The following TTC6 variants were observed in gnomAD, a reference collection of about 807,000 sequenced individuals.
The protein encoded by TTC6 is tetratricopeptide repeat domain 6, also known as tetratricopeptide repeat protein 6.
TTC6 carries 172 observed loss-of-function variants against 210.4 expected under a neutral mutation model. That is an observed-to-expected ratio of 0.82 (90% CI 0.72 to 0.93). The LOEUF (loss-of-function observed/expected upper bound fraction) is 0.93, where lower values mean the gene tolerates loss of function less well. Among genes scored for constraint, TTC6 ranks in the 40% least tolerant of loss-of-function variants. The probability of loss-of-function intolerance (pLI) is 0.00; values close to 1 mark genes in which losing one functional copy is unlikely to be tolerated. For missense variants in TTC6, 2,414 were observed against 2,318.1 expected, an observed-to-expected ratio of 1.04 and a Z score of -0.85; for synonymous variants, 804 against 819.6, an observed-to-expected ratio of 0.98 and a Z score of 0.32.
Position 37,749,269 on chromosome 14 carries a change from T to G in TTC6, c.2694T>G (p.Tyr898Ter), listed in dbSNP as rs2095944931. The G allele has an allele frequency of 2.6e-6, 4 of 1,526,962 alleles. No homozygotes were observed. Among genetic ancestry groups the G allele is most frequent in the Non-Finnish European group, 3.5e-6 (4 of 1,142,308 alleles). 94.6% of individuals were successfully genotyped at this position (1,526,962 alleles called of 1,614,324 possible). Reference sequence around the variant, plus strand: ...TTCCACAAGAGGTCATTAAATATTATGAATCTGAAGTGAAGATTTTGACTG... The same window carrying G: ...TTCCACAAGAGGTCATTAAATATTAGGAATCTGAAGTGAAGATTTTGACTG... The change falls in exon 11 of 31, where the codon TAT (tyrosine) becomes TAG (stop). Residue 898 changes from tyrosine (Y) to a stop codon, truncating the protein, a stop_gained. Coordinates refer to ENST00000553443, the Ensembl canonical transcript of TTC6. LOFTEE classifies it high-confidence loss of function.
intron 7 of TTC6, among the ~76,000 whole-genome samples, chr14:37,732,478 C>T (rs1172143930): frequency 6.6e-6 from 1 of 150,708 alleles, no homozygotes; most frequent in Middle Eastern, 3.5e-3. Flanking sequence ...CCACCACGCC[C>T]GGCCTTATGT....
chr14:37,717,708 C>T (rs2095854920), intron 6 of TTC6, among the ~76,000 whole-genome samples: 1 of 151,588 alleles, frequency 6.6e-6, no homozygotes, highest in Admixed American at 6.6e-5. Flanking sequence ...TTTTTTGAAG[C>T]TAGTAATACC....
At position 37,792,498 on chromosome 14, in the gene TTC6, C is replaced by G. The variant is rs143612673; in HGVS notation, c.3708+84C>G. Reference sequence around the variant, plus strand: ...GTTCAACATAATTTTAATATATATACATATTTTAGCTAATTGTAGGGGCTA... The same window carrying G: ...GTTCAACATAATTTTAATATATATAGATATTTTAGCTAATTGTAGGGGCTA... On this transcript the variant is annotated intron_variant, in intron 17 of 30. Transcript: ENST00000553443. 9,035 of 1,138,950 alleles carry G rather than the reference C, an allele frequency of 7.9e-3. 56 individuals carry two copies. Among genetic ancestry groups the G allele is most frequent in the South Asian group, 0.013 (549 of 41,322 alleles). The allele number at this position is 1,138,950 out of a possible 1,614,324, so 70.6% of individuals were successfully genotyped here. A position where few individuals can be genotyped will look rare whatever the true frequency, so the allele number is the denominator to read the frequency against.
chr14:37,743,166 A>G lies in TTC6; in HGVS notation c.2363+4011A>G, dbSNP rs147848543. Among the ~76,000 whole-genome samples the G allele has an allele frequency of 8.5e-3, 1,290 of 152,338 alleles. 13 individuals carry two copies. The highest frequency in any genetic ancestry group is 0.044 in the Middle Eastern group (13 of 294). On this transcript the variant is annotated intron_variant, in intron 10 of 30. Transcript: ENST00000553443. ...TTTACTCCGGTTCCTCCAAATGAAAAACCATGAACCATATTCATGGCTATG... is the reference window on the plus strand; with the variant it reads ...TTTACTCCGGTTCCTCCAAATGAAAGACCATGAACCATATTCATGGCTATG...
intron 5 of TTC6, among the ~76,000 whole-genome samples, chr14:37,711,527 T>G (rs529609848): frequency 6.6e-6 from 1 of 152,288 alleles, no homozygotes; most frequent in Admixed American, 6.5e-5. Flanking sequence ...TTTTGCCTGT[T>G]TCCCCTATTG....
chr14:37,625,393 C>CAAAAA (rs1386464721), intron 1 of TTC6, among the ~76,000 whole-genome samples: 1 of 151,668 alleles, frequency 6.6e-6, no homozygotes, highest in Non-Finnish European at 1.5e-5. Flanking sequence ...ACTAAAAATA[C>CAAAAA]AAAAATTAGC....
At chr14:37,649,930 T>G (rs957018102) in intron 1 of TTC6, among the ~76,000 whole-genome samples, 2 of 152,240 alleles carry the variant, frequency 1.3e-5, no homozygotes, top group African/African-American at 4.8e-5. Context: ...CCCATATATA[T>G]TTCAAATAGA....
In TTC6 at chr14:37,812,364, A is replaced by G. The variant is rs773107595; in HGVS notation, c.4620A>G (p.Val1540=). ...TGCTTCTTGATGCTACAGAAACTGT[A>G]AAACTAAATACCTTCCTTAATCGTG... Residue 1540 remains valine, a synonymous_variant, in exon 25 of 31, where the codon GTA becomes GTG. Coordinates refer to ENST00000553443, the Ensembl canonical transcript of TTC6. 1.2e-5 allele frequency: 19 copies of G among 1,613,464 alleles called. No individual in the cohort carries two copies. The African/African-American group carries it at 1.6e-4, about 14-fold the overall frequency.
chr14:37,614,949 G>T (rs976994141), intron 2 of TTC6, among the ~76,000 whole-genome samples: 2 of 152,110 alleles, frequency 1.3e-5, no homozygotes, highest in African/African-American at 2.4e-5. Context: ...GTTTCACCAT[G>T]TTGGCTGGGC....
Position 37,754,143 on chromosome 14 carries a change from C to T in TTC6, c.3266+908C>T, listed in dbSNP as rs2095960655. On this transcript the variant is annotated intron_variant, in intron 14 of 30. Transcript: ENST00000553443. ...AGAACGTGCAGGTTTGTTAGATACACATGTGACATGGTGGTTTGCTGTACC... is the reference window on the plus strand; with the variant it reads ...AGAACGTGCAGGTTTGTTAGATACATATGTGACATGGTGGTTTGCTGTACC... Among the ~76,000 whole-genome samples the T allele has an allele frequency of 2.0e-5, 3 of 152,064 alleles. No homozygotes were observed. The South Asian group carries it at 6.2e-4, about 32-fold the overall frequency.
chr14:37,790,805 T>A (rs539253471), exon 16 of TTC6: 23 of 1,534,474 alleles, frequency 1.5e-5, no homozygotes, highest in Non-Finnish European at 1.7e-5. Flanking sequence ...TGCTGGCAAT[T>A]TGTGACTTTG....
chr14:37,739,169 G>T lies in TTC6; in HGVS notation c.2363+14G>T, dbSNP rs1202842568. 1.4e-6 allele frequency: 2 copies of T among 1,476,736 alleles called. No homozygotes were observed. Among genetic ancestry groups the T allele is most frequent in the Middle Eastern group, 2.4e-4 (1 of 4,240 alleles). 91.5% of individuals were successfully genotyped at this position (1,476,736 alleles called of 1,614,324 possible). The stretch of plus-strand genomic sequence containing the variant: ...ATCTCTTGAAAGGTCTTGTTTAAGT[G>T]ATTTTCTTATAGTTTAAGAAATATA... On this transcript the variant is annotated intron_variant, in intron 10 of 30. Transcript: ENST00000553443.
In TTC6 at chr14:37,804,677, T is replaced by C. The variant is rs370743888; in HGVS notation, c.4030-3T>C. 2.1e-5 allele frequency: 34 copies of C among 1,610,816 alleles called. No homozygotes were observed. In the Middle Eastern group the frequency reaches 8.3e-4, roughly 39 times the overall value. On this transcript the variant is annotated splice_region_variant and splice_polypyrimidine_tract_variant and intron_variant, in intron 20 of 30. Coordinates refer to ENST00000553443, the Ensembl canonical transcript of TTC6. Reference sequence around the variant, plus strand: ...CCCCCTCCCTGCTTTTTTATCATTATAGGAAGCTGTGGAAGTGCTTAAGAA... The same window carrying C: ...CCCCCTCCCTGCTTTTTTATCATTACAGGAAGCTGTGGAAGTGCTTAAGAA...
intron 10 of TTC6, among the ~76,000 whole-genome samples, chr14:37,742,246 G>C (rs1265725997): frequency 6.6e-6 from 1 of 152,150 alleles, no homozygotes; most frequent in Non-Finnish European, 1.5e-5. Context: ...CACTTGACCT[G>C]CTCCTGCGAG....
chr14:37,681,348 C>T (rs1441372426), intron 2 of TTC6, among the ~76,000 whole-genome samples: 1 of 152,076 alleles, frequency 6.6e-6, no homozygotes, highest in Non-Finnish European at 1.5e-5. Flanking sequence ...CCATTCACTA[C>T]ATTCATATAA....
exon 1 of TTC6, chr14:37,622,916 G>A: frequency 5.2e-6 from 8 of 1,534,268 alleles, no homozygotes; most frequent in Non-Finnish European, 6.1e-6. Flanking sequence ...TCGCCTCTCT[G>A]CAGTCCGAGG....
intron 14 of TTC6, among the ~76,000 whole-genome samples, chr14:37,767,070 A>G (rs555367997): frequency 6.6e-6 from 1 of 152,118 alleles, no homozygotes; most frequent in South Asian, 2.1e-4. Flanking sequence ...TGTTCTCATG[A>G]TAGTTTACTG....
intron 1 of TTC6, among the ~76,000 whole-genome samples, chr14:37,679,165 G>A (rs2095777194): frequency 6.6e-6 from 1 of 152,064 alleles, no homozygotes; most frequent in Non-Finnish European, 1.5e-5. Flanking sequence ...GAGGTTACGG[G>A]GAGCTATGAT....
upstream of TTC6, among the ~76,000 whole-genome samples, chr14:37,621,383 G>T (rs931896670): frequency 1.3e-5 from 2 of 152,212 alleles, no homozygotes; most frequent in African/African-American, 4.8e-5. Flanking sequence ...GCTGAGGTGG[G>T]AGGATGGCAT....
Sources: gnomAD v4.1 joint callset for allele counts (sites outside exome capture counted in the v4.1 genomes callset) on GRCh38, gnomAD v4.1.1 for gene constraint, MANE v1.5 for transcripts, NCBI Gene and HGNC (gene_info 2026-07-23, HGNC 2026-07-21) for gene names.